KCNK2: variants seen among roughly 807,000 people sequenced by gnomAD.
The protein encoded by KCNK2 is potassium channel subfamily K member 2.
A neutral mutation model predicts 40.5 loss-of-function variants in KCNK2; 21 were observed. The observed-to-expected ratio is 0.52, with a 90% CI of 0.37 to 0.75. KCNK2 has a LOEUF of 0.75. KCNK2 is among the 30% of genes least tolerant of loss of function. The pLI is 0.00. For synonymous variants in KCNK2, 191 were observed against 202.2 expected, an observed-to-expected ratio of 0.94 and a Z score of 0.47; for missense variants, 399 against 531.6, an observed-to-expected ratio of 0.75 and a Z score of 2.45.
intron 3 of KCNK2, among the ~76,000 whole-genome samples, chr1:215,154,052 CAT>C (rs1558115796): frequency 6.6e-6 from 1 of 152,134 alleles, no homozygotes; most frequent in African/African-American, 2.4e-5. Flanking sequence ...CTGCAATAAA[CAT>C]ATGTGTGCAA....
At chr1:215,161,555 G>A (rs1174116243) in intron 3 of KCNK2, among the ~76,000 whole-genome samples, 1 of 151,932 alleles carries the variant, frequency 6.6e-6, no homozygotes, top group African/African-American at 2.4e-5. Flanking sequence ...TTCTCCTAAT[G>A]CTATCCCTCC....
At chr1:215,032,298 T>C (rs1358642867) in intron 1 of KCNK2, among the ~76,000 whole-genome samples, 1 of 152,010 alleles carries the variant, frequency 6.6e-6, no homozygotes, top group Non-Finnish European at 1.5e-5. Context: ...TGGTCCCAGC[T>C]ACTAGGAAGG....
intron 1 of KCNK2, among the ~76,000 whole-genome samples, chr1:215,067,570 T>G (rs2102512749): frequency 6.6e-6 from 1 of 152,132 alleles, no homozygotes; most frequent in East Asian, 1.9e-4. Context: ...TAGGTCAGAG[T>G]CATGGCAAAA....
chr1:215,071,432 G>A (rs1658754175), intron 1 of KCNK2, among the ~76,000 whole-genome samples: 1 of 152,126 alleles, frequency 6.6e-6, no homozygotes, highest in South Asian at 2.1e-4. Context: ...TGATTTCCGA[G>A]CTGAGAACTG....
At chr1:215,063,367 C>A (rs75066696) in intron 1 of KCNK2, among the ~76,000 whole-genome samples, 1 of 152,136 alleles carries the variant, frequency 6.6e-6, no homozygotes, top group Non-Finnish European at 1.5e-5. Flanking sequence ...GAAACAGATA[C>A]GGTGGTGGCA....
At chr1:215,090,325 G>A (rs999661691) in intron 2 of KCNK2, among the ~76,000 whole-genome samples, 4 of 152,156 alleles carry the variant, frequency 2.6e-5, no homozygotes, top group African/African-American at 9.7e-5. Context: ...GTTTCCAAGA[G>A]TGCATGGTGG....
At chr1:215,090,361 TA>T (rs35695500) in intron 2 of KCNK2, among the ~76,000 whole-genome samples, 2,497 of 152,284 alleles carry the variant, frequency 0.016, 67 homozygotes, top group African/African-American at 0.057. Context: ...AATGTTTGGA[TA>T]AACTCTAGCA....
intron 1 of KCNK2, among the ~76,000 whole-genome samples, chr1:215,072,864 G>A (rs1658803289): frequency 6.6e-6 from 1 of 152,180 alleles, no homozygotes; most frequent in African/African-American, 2.4e-5. Context: ...GTTATGGGCT[G>A]AGTTTTGTCC....
intron 2 of KCNK2, among the ~76,000 whole-genome samples, chr1:215,114,823 G>A (rs1288426610): frequency 6.6e-6 from 1 of 152,150 alleles, no homozygotes; most frequent in East Asian, 1.9e-4. Flanking sequence ...TAATGGCAAT[G>A]AGTCAACTCA....
chr1:215,172,286 A>T, intron 5 of KCNK2, 103 bp downstream of exon 5: 1 of 999,456 alleles, frequency 1.0e-6, no homozygotes, highest in Non-Finnish European at 1.5e-6. Flanking sequence ...TGAGTTTTCT[A>T]GGGCTGACAT....
intron 2 of KCNK2, among the ~76,000 whole-genome samples, chr1:215,123,233 A>AC (rs1021677946): frequency 6.6e-5 from 10 of 151,634 alleles, no homozygotes; most frequent in Non-Finnish European, 8.8e-5. Flanking sequence ...AATAAAAAAA[A>AC]CCTGCATGTG....
At chr1:215,014,426 A>T (rs1656513497) in intron 1 of KCNK2, among the ~76,000 whole-genome samples, 1 of 151,682 alleles carries the variant, frequency 6.6e-6, no homozygotes, top group Non-Finnish European at 1.5e-5. Context: ...GGCCTCAAAA[A>T]TGTCAAAAAT....
At chr1:215,233,991 A>G (rs781361015) in intron 6 of KCNK2, among the ~76,000 whole-genome samples, 2 of 152,216 alleles carry the variant, frequency 1.3e-5, no homozygotes, top group Non-Finnish European at 2.9e-5. Flanking sequence ...ATAATAATAA[A>G]TGCATAACAT....
chr1:215,217,845 G>A (rs902547765), intron 6 of KCNK2, among the ~76,000 whole-genome samples: 4 of 152,148 alleles, frequency 2.6e-5, no homozygotes, highest in African/African-American at 9.7e-5. Flanking sequence ...CACAATTCAG[G>A]GTTTTAAAGT....
At chr1:215,154,448 T>C (rs2102616456) in intron 3 of KCNK2, among the ~76,000 whole-genome samples, 1 of 152,180 alleles carries the variant, frequency 6.6e-6, no homozygotes. Flanking sequence ...TCTTGTAAAT[T>C]TGTTTAAGTT....
intron 6 of KCNK2, among the ~76,000 whole-genome samples, chr1:215,209,468 A>AT (rs1665512665): frequency 1.4e-4 from 2 of 14,400 alleles, no homozygotes; most frequent in African/African-American, 3.4e-4. Flanking sequence ...TATTATATAT[A>AT]ATATATATTA....
intron 5 of KCNK2, among the ~76,000 whole-genome samples, chr1:215,180,145 TAA>T (rs1162229228): frequency 6.6e-6 from 1 of 152,200 alleles, no homozygotes; most frequent in East Asian, 1.9e-4. Context: ...GTTGTTGGCT[TAA>T]AGTCTGTTTT....
At chr1:215,010,167 C>T (rs1656326396) in intron 1 of KCNK2, among the ~76,000 whole-genome samples, 1 of 152,110 alleles carries the variant, frequency 6.6e-6, no homozygotes, top group Admixed American at 6.6e-5. Flanking sequence ...AGAGTTTCAG[C>T]CAGGTGCAAG....
intron 1 of KCNK2, among the ~76,000 whole-genome samples, chr1:215,027,109 C>G (rs1008137213): frequency 3.3e-5 from 5 of 151,972 alleles, no homozygotes; most frequent in African/African-American, 1.2e-4. Context: ...CACAGTCATT[C>G]TATCAAATAT....
Sources: allele counts gnomAD v4.1 joint callset (sites outside exome capture counted in the v4.1 genomes callset), GRCh38; gene constraint gnomAD v4.1.1; transcripts MANE v1.5; gene names NCBI Gene and HGNC (gene_info 2026-07-23, HGNC 2026-07-21).